Variants in TTLL9 observed in about 807,000 individuals in gnomAD.
The protein encoded by TTLL9 is probable tubulin polyglutamylase TTLL9.
A neutral mutation model predicts 65.6 loss-of-function variants in TTLL9; 47 were observed. The ratio of observed to expected loss-of-function variants is 0.72; its 90% confidence interval spans 0.57 to 0.91. TTLL9 has a LOEUF of 0.91. TTLL9 is among the 40% of genes least tolerant of loss of function. The pLI, the probability that TTLL9 is intolerant of heterozygous loss-of-function variation, is 0.00. For synonymous variants in TTLL9, 179 were observed against 204.8 expected (o/e 0.87, Z 1.07); for missense variants, 537 against 568.8 (o/e 0.94, Z 0.57).
At chr20:31,919,181 A>C (rs1274228522) in intron 6 of TTLL9, among the ~76,000 whole-genome samples, 1 of 152,226 alleles carries the variant, frequency 6.6e-6, no homozygotes, top group African/African-American at 2.4e-5. Flanking sequence ...GTCTTAGCTC[A>C]ACACAGGTTA....
At chr20:31,921,002 A>C (rs1247311996) in intron 7 of TTLL9, among the ~76,000 whole-genome samples, 1 of 152,134 alleles carries the variant, frequency 6.6e-6, no homozygotes, top group Non-Finnish European at 1.5e-5. Flanking sequence ...GGTAGAGAAG[A>C]AGGAGCAATG....
intron 3 of TTLL9, among the ~76,000 whole-genome samples, chr20:31,890,510 A>T (rs1427836923): frequency 1.3e-5 from 2 of 152,094 alleles, no homozygotes; most frequent in East Asian, 3.9e-4. Flanking sequence ...GGCACTTACG[A>T]AGTATTGGTT....
chr20:31,904,532 A>AT (rs1213607568), intron 4 of TTLL9, among the ~76,000 whole-genome samples: 2 of 150,916 alleles, frequency 1.3e-5, no homozygotes, highest in Admixed American at 1.3e-4. Flanking sequence ...TAATTTTTGT[A>AT]TTTTTTGTAG....
In TTLL9 at chr20:31,944,101, GC is replaced by G. The variant is rs1313384862; in HGVS notation, c.*1082del. The G allele has an allele frequency of 9.1e-6, 3 of 329,470 alleles. No individual in the cohort carries two copies. The East Asian group carries it at 2.2e-4, about 25-fold the overall frequency. The allele number at this position is 329,470 out of a possible 1,614,324, so 20.4% of individuals were successfully genotyped here. On this transcript the variant is annotated 3_prime_UTR_variant, in exon 15 of 15. Coordinates refer to ENST00000535842, the MANE Select transcript of TTLL9 (RefSeq NM_001008409.5). ...AAGTGAACCAGCCGACTTTAGGAAAGCCAGAAGCCAGGCTACTCTAGACCTT... is the reference window on the plus strand; with the variant it reads ...AAGTGAACCAGCCGACTTTAGGAAAGCAGAAGCCAGGCTACTCTAGACCTT...
chr20:31,879,723 T>A lies in TTLL9; in HGVS notation c.70-7473T>A, dbSNP rs2063082575. 2.4e-6 allele frequency: 3 copies of A among 1,263,860 alleles called. No homozygotes were observed. The African/African-American group carries it at 4.5e-5, about 19-fold the overall frequency. The allele number at this position is 1,263,860 out of a possible 1,614,324, so 78.3% of individuals were successfully genotyped here. A position where few individuals can be genotyped will look rare whatever the true frequency, so the allele number is the denominator to read the frequency against. ...AGGACGCCCAATAGCCTCCAGAGGT[T>A]CTGGTGGACCAGAGCCTGCGCACTC... On this transcript the variant is annotated intron_variant, in intron 2 of 14. Coordinates refer to ENST00000535842, the MANE Select transcript of TTLL9 (RefSeq NM_001008409.5).
intron 4 of TTLL9, among the ~76,000 whole-genome samples, chr20:31,901,961 A>G (rs536852418): frequency 6.6e-6 from 1 of 152,338 alleles, no homozygotes; most frequent in East Asian, 1.9e-4. Context: ...GGCATCCAAC[A>G]TGGTCTCTGA....
chr20:31,915,908 C>T (rs1294137616), intron 6 of TTLL9, among the ~76,000 whole-genome samples: 2 of 152,166 alleles, frequency 1.3e-5, no homozygotes, highest in Non-Finnish European at 2.9e-5. Context: ...AGTAGCAAAC[C>T]ACTCCCAAAC....
At position 31,870,834 on chromosome 20, in the gene TTLL9, G is replaced by T; in HGVS notation, c.-121G>T. The T allele has an allele frequency of 3.7e-6, 2 of 535,392 alleles. No homozygotes were observed. Among genetic ancestry groups the T allele is most frequent in the Non-Finnish European group, 6.5e-6 (2 of 306,220 alleles). 33.2% of individuals were successfully genotyped at this position (535,392 alleles called of 1,614,324 possible). ...CGGCTCTGCCTGGACGTCCCTGCGG[G>T]CCCCGGGGGAAAGCACCCAACTTCT... On this transcript the variant is annotated 5_prime_UTR_variant, in exon 1 of 15. Transcript: ENST00000535842. The surrounding 1 kb of genome is among the most constrained non-coding windows in gnomAD (Gnocchi z 6.6).
intron 6 of TTLL9, among the ~76,000 whole-genome samples, chr20:31,911,000 C>A (rs1206568738): frequency 6.6e-6 from 1 of 151,898 alleles, no homozygotes; most frequent in South Asian, 2.1e-4. Context: ...ATGGTGAAAC[C>A]CCCATCTTTA....
At chr20:31,881,427 A>G (rs1296263552) in intron 2 of TTLL9, among the ~76,000 whole-genome samples, 2 of 151,818 alleles carry the variant, frequency 1.3e-5, no homozygotes, top group African/African-American at 4.8e-5. Context: ...GGGACTGTTG[A>G]CTCCTCCATC....
At chr20:31,941,718 C>T (rs1324402864) in intron 14 of TTLL9, among the ~76,000 whole-genome samples, 1 of 152,164 alleles carries the variant, frequency 6.6e-6, no homozygotes, top group Non-Finnish European at 1.5e-5. Context: ...ACACACCACA[C>T]CTGGCTAATT....
chr20:31,898,586 T>C, intron 4 of TTLL9, 21 bp downstream of exon 4: 1 of 1,603,906 alleles, frequency 6.2e-7, no homozygotes, highest in Non-Finnish European at 8.5e-7. Context: ...CCCCCCAGCC[T>C]TGTCCCTCCT....
At chr20:31,875,919 C>T (rs762697749) in intron 2 of TTLL9, among the ~76,000 whole-genome samples, 9 of 152,142 alleles carry the variant, frequency 5.9e-5, no homozygotes, top group African/African-American at 9.7e-5. Context: ...ACTATACTCA[C>T]GAGGATTGGC....
At chr20:31,882,193 C>G (rs2063127519) in intron 2 of TTLL9, among the ~76,000 whole-genome samples, 1 of 152,170 alleles carries the variant, frequency 6.6e-6, no homozygotes, top group Non-Finnish European at 1.5e-5. Context: ...ACCCCATCTC[C>G]TCAAGGTTAT....
Position 31,870,977 on chromosome 20 carries a change from TC to T in TTLL9, c.-6+30del. The T allele has an allele frequency of 1.3e-6, 1 of 763,990 alleles. No individual in the cohort carries two copies. Among genetic ancestry groups the T allele is most frequent in the Non-Finnish European group, 2.3e-6 (1 of 425,798 alleles). 47.3% of individuals were successfully genotyped at this position (763,990 alleles called of 1,614,324 possible). A position where few individuals can be genotyped will look rare whatever the true frequency, so the allele number is the denominator to read the frequency against. On this transcript the variant is annotated intron_variant, in intron 1 of 14. Coordinates refer to ENST00000535842, the MANE Select transcript of TTLL9 (RefSeq NM_001008409.5). This position sits in a 1 kb window ranked among gnomAD's most constrained non-coding sequence, Gnocchi z 6.6. Reference sequence around the variant, plus strand: ...GGGTAATTCCTTCCGATACATCCTCTCCACCCGTGCAGAGACACCCTACCAA... The same window carrying T: ...GGGTAATTCCTTCCGATACATCCTCTCACCCGTGCAGAGACACCCTACCAA...
intron 5 of TTLL9, 41 bp downstream of exon 5, chr20:31,908,743 T>C (rs1422255883): frequency 1.4e-6 from 2 of 1,462,210 alleles, no homozygotes; most frequent in East Asian, 2.3e-5. Context: ...AACCAACTCA[T>C]GTCACTGGGT....
At chr20:31,873,830 AAGAAAG>A (rs1776462666) in intron 2 of TTLL9, among the ~76,000 whole-genome samples, 13 of 48,618 alleles carry the variant, frequency 2.7e-4, no homozygotes, top group Non-Finnish European at 5.6e-4. Flanking sequence ...GGAAGAAAGA[AAGAAAG>A]AAAGAAAGAA....
At chr20:31,935,105 T>C (rs143824482) in intron 12 of TTLL9, among the ~76,000 whole-genome samples, 3 of 152,298 alleles carry the variant, frequency 2.0e-5, no homozygotes, top group East Asian at 3.9e-4. Context: ...AAGTGAGATA[T>C]AGTCTTTGGA....
chr20:31,924,895 G>A, intron 8 of TTLL9, 114 bp from the exon 9 acceptor site: 1 of 1,162,534 alleles, frequency 8.6e-7, no homozygotes, highest in Non-Finnish European at 1.3e-6. Context: ...AGTTTCAGCA[G>A]GAGCTTCATG....
Sources: allele counts gnomAD v4.1 joint callset (sites outside exome capture counted in the v4.1 genomes callset), GRCh38; gene constraint gnomAD v4.1.1; non-coding constraint Gnocchi (gnomAD v3.1); transcripts MANE v1.5; gene names NCBI Gene and HGNC (gene_info 2026-07-23, HGNC 2026-07-21).